SETBP1: variants seen among roughly 807,000 people sequenced by gnomAD.
SETBP1 encodes SET-binding protein.
SETBP1 carries 9 observed loss-of-function variants against 101.0 expected under a neutral mutation model. The ratio of observed to expected loss-of-function variants is 0.09; its 90% CI spans 0.05 to 0.16. The LOEUF is 0.16. Among genes scored for constraint, SETBP1 ranks in the 10% least tolerant of loss-of-function variants. The probability of loss-of-function intolerance (pLI) is 1.00; values close to 1 mark genes in which losing one functional copy is unlikely to be tolerated. For synonymous variants in SETBP1, 818 were observed against 788.5 expected (o/e 1.04, Z -0.63); for missense variants, 1,858 against 2,033.8 (o/e 0.91, Z 1.66).
At chr18:44,834,320 C>T (rs1391436049) in intron 2 of SETBP1, among the ~76,000 whole-genome samples, 1 of 152,126 alleles carries the variant, frequency 6.6e-6, no homozygotes, top group East Asian at 1.9e-4. Flanking sequence ...TGAGATACCT[C>T]TTTATGGGAA....
rs189353534 is a variant in SETBP1, at chr18:44,762,153, T to G, written c.486+60321T>G. Among the ~76,000 whole-genome samples, 308 of 143,374 alleles carry G rather than the reference T, an allele frequency of 2.1e-3. 1 individual carries two copies. Among genetic ancestry groups the G allele is most frequent in the African/African-American group, 7.5e-3 (288 of 38,392 alleles). 94.1% of individuals were successfully genotyped at this position (143,374 alleles called of 152,430 possible). A position where few individuals can be genotyped will look rare whatever the true frequency, so the allele number is the denominator to read the frequency against. On this transcript the variant is annotated intron_variant, in intron 2 of 5. Transcript: ENST00000649279. ...CTTCTAAACACTTTTTTTTTTTTCT[T>G]TTTCCTGCTTCAGGCTTTCCTGACT...
intron 2 of SETBP1, among the ~76,000 whole-genome samples, chr18:44,848,815 G>T (rs2072785182): frequency 6.6e-6 from 1 of 152,196 alleles, no homozygotes; most frequent in African/African-American, 2.4e-5. Flanking sequence ...GGCATGAAGA[G>T]AATTACATTT....
Position 45,040,978 on chromosome 18 carries a change from A to T in SETBP1, c.4171+2323A>T, listed in dbSNP as rs1463391061. Among the ~76,000 whole-genome samples the T allele has an allele frequency of 6.6e-5, 10 of 152,204 alleles. No individual in the cohort carries two copies. The South Asian group carries it at 1.9e-3, about 28-fold the overall frequency. On this transcript the variant is annotated intron_variant, in intron 5 of 5. Transcript: ENST00000649279. ...ACCTTCCTGAGATTTCACTCCCCAC[A>T]GATAAAAAGCTTCCCACAAACCTGG... is the stretch of plus-strand genomic sequence containing the variant.
chr18:44,960,520 AT>A (rs1243913163), intron 4 of SETBP1, among the ~76,000 whole-genome samples: 1 of 150,812 alleles, frequency 6.6e-6, no homozygotes, highest in South Asian at 2.1e-4. Flanking sequence ...TTAATTTTTA[AT>A]TTTGTAGAGA....
chr18:44,685,106 G>C (rs1186365736), intron 1 of SETBP1, among the ~76,000 whole-genome samples: 1 of 152,130 alleles, frequency 6.6e-6, no homozygotes, highest in Admixed American at 6.5e-5. Context: ...GCCCATGATG[G>C]TTAATGATCA....
At chr18:44,683,010 G>T (rs2068785016) in intron 1 of SETBP1, among the ~76,000 whole-genome samples, 1 of 152,090 alleles carries the variant, frequency 6.6e-6, no homozygotes, top group Non-Finnish European at 1.5e-5. Flanking sequence ...CAAACTGGAG[G>T]TGGGGGAGGG....
intron 3 of SETBP1, among the ~76,000 whole-genome samples, chr18:44,933,931 C>A (rs1055745999): frequency 3.3e-5 from 5 of 152,116 alleles, no homozygotes; most frequent in African/African-American, 9.7e-5. Context: ...GCTCCATGGG[C>A]TGCACCCACT....
At position 44,701,735 on chromosome 18, in the gene SETBP1, A is replaced by G. The variant is rs757580306; in HGVS notation, c.389A>G (p.Lys130Arg). Residue 130 changes from lysine (K) to arginine (R), a missense_variant, in exon 2 of 6, where the codon AAG (lysine) becomes AGG (arginine). Coordinates refer to ENST00000649279, the MANE Select transcript of SETBP1 (RefSeq NM_015559.3). ...AACTATATATGTCCACCTGAGATCAAGATCACCATCAAGCAGTCTGGGGAC... is the reference window on the plus strand; with the variant it reads ...AACTATATATGTCCACCTGAGATCAGGATCACCATCAAGCAGTCTGGGGAC... ...LENYICPPEI[K>R]ITIKQSGDQK... is the part of the protein sequence containing the mutation. 2.5e-6 allele frequency: 4 copies of G among 1,614,208 alleles called. No homozygotes were observed. The South Asian group carries it at 4.4e-5, about 18-fold the overall frequency.
At chr18:45,014,190 A>G (rs1019907977) in intron 4 of SETBP1, among the ~76,000 whole-genome samples, 1 of 152,202 alleles carries the variant, frequency 6.6e-6, no homozygotes, top group Non-Finnish European at 1.5e-5. Context: ...GCCTGTGCCC[A>G]TCCATTAAGA....
intron 2 of SETBP1, among the ~76,000 whole-genome samples, chr18:44,719,511 C>T (rs1429959646): frequency 6.6e-6 from 1 of 152,062 alleles, no homozygotes; most frequent in Non-Finnish European, 1.5e-5. Context: ...ATTCTGGGAC[C>T]TTTTCAAAAA....
intron 2 of SETBP1, among the ~76,000 whole-genome samples, chr18:44,835,859 A>G (rs1453103888): frequency 6.6e-6 from 1 of 152,246 alleles, no homozygotes; most frequent in Non-Finnish European, 1.5e-5. Context: ...TTTTTAAAAG[A>G]AGGCCTGAGG....
intron 4 of SETBP1, among the ~76,000 whole-genome samples, chr18:45,035,575 A>G (rs1165053710): frequency 2.0e-5 from 3 of 152,240 alleles, no homozygotes; most frequent in Non-Finnish European, 4.4e-5. Flanking sequence ...GTACAATTAA[A>G]GTGACTTGAC....
chr18:44,776,818 A>G (rs1029631862), intron 2 of SETBP1, among the ~76,000 whole-genome samples: 2 of 152,314 alleles, frequency 1.3e-5, no homozygotes, highest in Admixed American at 6.5e-5. Context: ...CTGATCAGTT[A>G]ATAGAGGTTA....
chr18:44,848,075 G>GTTT (rs891209792), intron 2 of SETBP1, among the ~76,000 whole-genome samples: 7 of 59,292 alleles, frequency 1.2e-4, no homozygotes, highest in African/African-American at 4.8e-4. Context: ...CTCTGAAGGT[G>GTTT]TGTGTGTGTG....
intron 2 of SETBP1, among the ~76,000 whole-genome samples, chr18:44,815,447 G>A (rs1337069572): frequency 6.6e-6 from 1 of 152,198 alleles, no homozygotes; most frequent in Non-Finnish European, 1.5e-5. Context: ...ATAGACATTT[G>A]AATTATCAAA....
chr18:45,003,543 G>T (rs757453659), intron 4 of SETBP1, among the ~76,000 whole-genome samples: 28 of 152,130 alleles, frequency 1.8e-4, no homozygotes, highest in Non-Finnish European at 3.7e-4. Flanking sequence ...TGGCCTCGAG[G>T]ACAGGAGGCA....
chr18:44,924,251 G>T (rs1246551577), intron 3 of SETBP1, among the ~76,000 whole-genome samples: 2 of 152,238 alleles, frequency 1.3e-5, no homozygotes. Context: ...CCAGGCTCCT[G>T]TCACTCTGTC....
chr18:44,964,530 A>T (rs2071680055), intron 4 of SETBP1, among the ~76,000 whole-genome samples: 1 of 152,212 alleles, frequency 6.6e-6, no homozygotes, highest in Admixed American at 6.5e-5. Context: ...AGGACAATAA[A>T]AATGGATTCC....
intron 3 of SETBP1, chr18:44,870,665 C>T (rs1447098808): frequency 6.6e-6 from 1 of 151,930 alleles, no homozygotes; most frequent in Non-Finnish European, 1.5e-5. Context: ...CCCCACCCAC[C>T]TCCACACCTA....
Sources: gnomAD v4.1 joint callset for allele counts (sites outside exome capture counted in the v4.1 genomes callset) on GRCh38, gnomAD v4.1.1 for gene constraint, MANE v1.5 for transcripts, NCBI Gene and HGNC (gene_info 2026-07-23, HGNC 2026-07-21) for gene names.